CDH10: variants seen among roughly 807,000 people sequenced by gnomAD.
The protein encoded by CDH10 is cadherin 10, also known as cadherin-10.
A neutral mutation model predicts 73.1 loss-of-function variants in CDH10; 30 were observed. The observed-to-expected ratio is 0.41, with a 90% CI of 0.31 to 0.56. The LOEUF is 0.56. Ranked by LOEUF, CDH10 falls within the 20% of genes least tolerant of loss-of-function variation. The probability of loss-of-function intolerance (pLI) is 0.27; values close to 1 mark genes in which losing one functional copy is unlikely to be tolerated. For synonymous variants in CDH10, 345 were observed against 348.2 expected (o/e 0.99, Z 0.10); for missense variants, 815 against 973.7 (o/e 0.84, Z 2.17).
intron 2 of CDH10, among the ~76,000 whole-genome samples, chr5:24,541,658 T>C (rs1187744050): frequency 1.3e-5 from 2 of 152,122 alleles, no homozygotes. Context: ...AAGTTTTCTT[T>C]AAACATAAAA....
intron 11 of CDH10, among the ~76,000 whole-genome samples, chr5:24,490,827 T>G (rs1742028094): frequency 6.6e-6 from 1 of 152,166 alleles, no homozygotes; most frequent in African/African-American, 2.4e-5. Context: ...AGTTAGCAAT[T>G]ATTGAATACA....
chr5:24,559,122 A>G (rs1233820029), intron 2 of CDH10, among the ~76,000 whole-genome samples: 1 of 48,194 alleles, frequency 2.1e-5, no homozygotes, highest in Non-Finnish European at 4.5e-5. Context: ...TTGTTTTATT[A>G]TTGTACACAA....
chr5:24,640,638 C>T lies in CDH10; in HGVS notation c.-124+3956G>A, dbSNP rs961690112. Among the ~76,000 whole-genome samples the T allele has an allele frequency of 2.0e-5, 3 of 151,598 alleles. No homozygotes were observed. In the Admixed American group the frequency reaches 2.0e-4, roughly 10 times the overall value. On this transcript the variant is annotated intron_variant, in intron 1 of 11. Coordinates refer to ENST00000264463, the MANE Select transcript of CDH10 (RefSeq NM_006727.5). ...GGATACGAAACCCTTTACTGAAAGG[C>T]ATTTTTATATGAAGGCATTTCAATC...
At chr5:24,570,031 C>T (rs917130983) in intron 2 of CDH10, among the ~76,000 whole-genome samples, 3 of 152,098 alleles carry the variant, frequency 2.0e-5, no homozygotes, top group South Asian at 4.2e-4. Flanking sequence ...CTCTCAAAGT[C>T]CTGGGATTAC....
intron 2 of CDH10, among the ~76,000 whole-genome samples, chr5:24,573,895 A>G (rs1745494502): frequency 6.7e-6 from 1 of 149,066 alleles, no homozygotes; most frequent in Admixed American, 6.7e-5. Context: ...AAAAATATAT[A>G]TATTTTTGAG....
chr5:24,549,551 C>CTT (rs56094828), intron 2 of CDH10, among the ~76,000 whole-genome samples: 22,626 of 133,362 alleles, frequency 0.17, 2,244 homozygotes, highest in Admixed American at 0.23. Context: ...AATGGAATGA[C>CTT]TTTTTTTTTT....
At chr5:24,501,274 T>G (rs1742484811) in intron 8 of CDH10, among the ~76,000 whole-genome samples, 1 of 152,080 alleles carries the variant, frequency 6.6e-6, no homozygotes, top group South Asian at 2.1e-4. Context: ...TAACACAATA[T>G]AGAGATTCTC....
At chr5:24,573,646 A>G (rs984776789) in intron 2 of CDH10, among the ~76,000 whole-genome samples, 1 of 148,648 alleles carries the variant, frequency 6.7e-6, no homozygotes, top group Non-Finnish European at 1.5e-5. Flanking sequence ...GCTTGCAGTG[A>G]GCGGAGATCG....
rs1292144434 is a variant in CDH10 at position 24,511,514 on chromosome 5, T to C, written c.815A>G (p.Asn272Ser). 3.3e-6 allele frequency: 5 copies of C among 1,512,334 alleles called. No homozygotes were observed. Among genetic ancestry groups the C allele is most frequent in the African/African-American group, 1.4e-5 (1 of 71,128 alleles). The allele number at this position is 1,512,334 out of a possible 1,614,324, so 93.7% of individuals were successfully genotyped here. ...TTCAAGAACTCGAAGATGAATAGTG[T>C]CTGTAAAGTATAAAGAAAAGAAGAG... is the stretch of plus-strand genomic sequence containing the variant. ...VNDNPPRFPQ[N>S]TIHLRVLESS... The change falls in exon 6 of 12, where the codon AAC becomes AGC. Residue 272 changes from asparagine to serine, a missense_variant and splice_region_variant. Physicochemically the swap from Asn to Ser is conservative, Grantham distance 46. Around this residue, in one of 3 missense-constraint regions of CDH10, gnomAD observed 516 missense variants for 636.6 expected, o/e 0.81. Transcript: ENST00000264463.
At chr5:24,607,637 G>A (rs1289992924) in intron 1 of CDH10, among the ~76,000 whole-genome samples, 2 of 152,070 alleles carry the variant, frequency 1.3e-5, no homozygotes, top group Non-Finnish European at 2.9e-5. Flanking sequence ...ATTGTCTAGG[G>A]ATGTCCGTTA....
At chr5:24,492,724 A>T in intron 10 of CDH10, 93 bp downstream of exon 10, 1 of 636,792 alleles carries the variant, frequency 1.6e-6, no homozygotes, top group Admixed American at 2.4e-5. Flanking sequence ...TCAGATCAAT[A>T]AATTGATATG....
At chr5:24,491,446 A>T (rs996324908) in intron 11 of CDH10, 130 bp downstream of exon 11, 25 of 680,072 alleles carry the variant, frequency 3.7e-5, no homozygotes, top group South Asian at 2.2e-4. Context: ...TATAAAGAAT[A>T]TCACAAAGTT....
At chr5:24,510,621 A>C (rs981269538) in intron 6 of CDH10, among the ~76,000 whole-genome samples, 1 of 152,202 alleles carries the variant, frequency 6.6e-6, no homozygotes, top group Non-Finnish European at 1.5e-5. Context: ...TTTGCTAGTC[A>C]CTGTCCATTT....
At chr5:24,511,970 C>T (rs1742931004) in intron 5 of CDH10, among the ~76,000 whole-genome samples, 1 of 151,994 alleles carries the variant, frequency 6.6e-6, no homozygotes, top group East Asian at 1.9e-4. Flanking sequence ...ACAACAGACA[C>T]TGGGGCCTAC....
At chr5:24,527,989 T>G (rs1703665298) in intron 5 of CDH10, among the ~76,000 whole-genome samples, 1 of 151,970 alleles carries the variant, frequency 6.6e-6, no homozygotes, top group Non-Finnish European at 1.5e-5. Context: ...AGTTCATTTT[T>G]ATTTCTTAGC....
intron 1 of CDH10, among the ~76,000 whole-genome samples, chr5:24,600,967 GT>G (rs1746541150): frequency 2.0e-5 from 3 of 151,814 alleles, no homozygotes; most frequent in Admixed American, 2.0e-4. Flanking sequence ...GCCCTAGGCA[GT>G]TTGTATATGT....
At chr5:24,643,258 A>G (rs1748115461) in intron 1 of CDH10, among the ~76,000 whole-genome samples, 2 of 152,084 alleles carry the variant, frequency 1.3e-5, no homozygotes, top group African/African-American at 4.8e-5. Context: ...TTTCTTCTTC[A>G]TCACTTTTAA....
chr5:24,624,190 C>T (rs1187738715), intron 1 of CDH10, among the ~76,000 whole-genome samples: 1 of 152,144 alleles, frequency 6.6e-6, no homozygotes, highest in Non-Finnish European at 1.5e-5. Context: ...CTTCTCTGCA[C>T]TGTTTCCTCC....
At chr5:24,538,027 T>C (rs1744021521) in intron 2 of CDH10, among the ~76,000 whole-genome samples, 1 of 152,050 alleles carries the variant, frequency 6.6e-6, no homozygotes, top group Non-Finnish European at 1.5e-5. Flanking sequence ...CTCATCTCTT[T>C]CTGTGAATGA....
Sources: gnomAD v4.1 joint callset for allele counts (sites outside exome capture counted in the v4.1 genomes callset) on GRCh38, gnomAD v4.1.1 for gene constraint, gnomAD v4.1.1 regional missense constraint, MANE v1.5 for transcripts, NCBI Gene and HGNC (gene_info 2026-07-23, HGNC 2026-07-21) for gene names.